The following CXCL13 variants were observed in gnomAD, a reference collection of about 807,000 sequenced individuals.
CXCL13 encodes the protein C-X-C motif chemokine 13.
In CXCL13, 7 loss-of-function variants were observed where a neutral mutation model predicts 12.2. The ratio of observed to expected loss-of-function variants is 0.57; its 90% CI spans 0.33 to 1.07. The LOEUF (loss-of-function observed/expected upper bound fraction) is 1.07. CXCL13 is among the 50% of genes least tolerant of loss of function. The pLI, the probability that CXCL13 is intolerant of heterozygous loss-of-function variation, is 0.04. For synonymous variants in CXCL13, 47 were observed against 42.4 expected (o/e 1.11, Z -0.42); for missense variants, 113 against 127.4 (o/e 0.89, Z 0.55).
chr4:77,551,293 G>T (rs1014397752), intron 1 of CXCL13, among the ~76,000 whole-genome samples: 3 of 152,122 alleles, frequency 2.0e-5, no homozygotes, highest in Non-Finnish European at 4.4e-5. Context: ...TTCCTTTGAG[G>T]CTCTCTTGAA....
intron 1 of CXCL13, among the ~76,000 whole-genome samples, chr4:77,562,421 G>A (rs987573872): frequency 6.6e-6 from 1 of 152,006 alleles, no homozygotes; most frequent in Non-Finnish European, 1.5e-5. Context: ...TAGTGGGGAC[G>A]TGGAGAACCT....
rs528531054 is a variant in CXCL13, at chr4:77,530,762, G to A, written c.-43+18974G>A. On this transcript the variant is annotated intron_variant, in intron 1 of 4. Coordinates refer to the CXCL13 transcript ENST00000286758. ...ATTGATTTTTTGAAGGGTTTTTTGT[G>A]TCTCTATTTCCTTCAGTTCTGCTCT... Among the ~76,000 whole-genome samples, 427 of 152,130 alleles carry A rather than the reference G, an allele frequency of 2.8e-3. 4 individuals carry two copies. The highest frequency in any genetic ancestry group is 0.01 in the African/African-American group (416 of 41,486).
At chr4:77,534,292 A>G (rs535227074) in intron 1 of CXCL13, among the ~76,000 whole-genome samples, 1 of 152,224 alleles carries the variant, frequency 6.6e-6, no homozygotes, top group Non-Finnish European at 1.5e-5. Flanking sequence ...AAACCTGCAC[A>G]TGGATGTTTC....
At chr4:77,579,816 G>A (rs947900441) in intron 1 of CXCL13, among the ~76,000 whole-genome samples, 8 of 152,160 alleles carry the variant, frequency 5.3e-5, no homozygotes, top group Non-Finnish European at 1.0e-4. Context: ...ATGTGTTAGC[G>A]CTAAGCACTC....
chr4:77,583,588 G>T (rs1369993692), intron 1 of CXCL13, among the ~76,000 whole-genome samples: 6 of 152,140 alleles, frequency 3.9e-5, no homozygotes, highest in African/African-American at 1.4e-4. Context: ...TGCCTTTTGT[G>T]CACCTCAGGG....
chr4:77,549,546 G>A (rs556970534), intron 1 of CXCL13, among the ~76,000 whole-genome samples: 1 of 152,316 alleles, frequency 6.6e-6, no homozygotes, highest in African/African-American at 2.4e-5. Context: ...TGTTGATGTT[G>A]GTGCTATTCC....
intron 1 of CXCL13, among the ~76,000 whole-genome samples, chr4:77,525,731 C>T (rs1409533602): frequency 6.6e-6 from 1 of 151,968 alleles, no homozygotes; most frequent in African/African-American, 2.4e-5. Context: ...GCAAACATGA[C>T]ATAAGGATTA....
rs1286923037 is a variant in CXCL13 at position 77,585,586 on chromosome 4, C to CTCCTT, written c.-42-20228_-42-20224dup. On this transcript the variant is annotated intron_variant, in intron 1 of 4. Transcript: ENST00000286758. The stretch of plus-strand genomic sequence containing the variant: ...CTCTGTGCTTGCTTCAGAGCTGCCA[C>CTCCTT]TCCTTTCCTTTCCTACACCAGTCTC... 9.2e-5 allele frequency among the ~76,000 whole-genome samples: 14 copies of CTCCTT among 152,322 alleles called. No homozygotes were observed. In the East Asian group the frequency reaches 2.7e-3, roughly 29 times the overall value.
intron 1 of CXCL13, among the ~76,000 whole-genome samples, chr4:77,522,514 C>CTTTTGTTTTTTTTT (rs1724635243): frequency 9.9e-5 from 1 of 10,070 alleles, no homozygotes. Flanking sequence ...GCAACCCCTG[C>CTTTTGTTTTTTTTT]TTTTTTTTTT....
At chr4:77,551,936 G>C (rs576540035) in intron 1 of CXCL13, among the ~76,000 whole-genome samples, 1 of 152,192 alleles carries the variant, frequency 6.6e-6, no homozygotes, top group Non-Finnish European at 1.5e-5. Flanking sequence ...AATTCCAGAA[G>C]CTCTGGTTGA....
At chr4:77,601,716 G>C (rs1237162537), upstream of CXCL13, among the ~76,000 whole-genome samples, 1 of 152,158 alleles carries the variant, frequency 6.6e-6, no homozygotes, top group African/African-American at 2.4e-5. Flanking sequence ...AGGTTAAAAA[G>C]AAACAGCTAA....
In CXCL13 at chr4:77,563,690, C is replaced by G. The variant is rs1440390693; in HGVS notation, c.-42-42134C>G. Among the ~76,000 whole-genome samples the G allele has an allele frequency of 4.6e-5, 7 of 152,290 alleles. No homozygotes were observed. The East Asian group carries it at 1.3e-3, about 29-fold the overall frequency. On this transcript the variant is annotated intron_variant, in intron 1 of 4. Transcript: ENST00000286758. Reference sequence around the variant, plus strand: ...CTGCTGACAGATGAAAGATGAGATTCTATGACGTTTATTAAAATGAAGAAT... The same window carrying G: ...CTGCTGACAGATGAAAGATGAGATTGTATGACGTTTATTAAAATGAAGAAT...
intron 1 of CXCL13, among the ~76,000 whole-genome samples, chr4:77,534,587 T>G (rs1725014512): frequency 6.6e-6 from 1 of 152,234 alleles, no homozygotes; most frequent in Non-Finnish European, 1.5e-5. Context: ...GTCAGATCTC[T>G]TTCTGGGTAT....
chr4:77,601,022 A>G (rs555215126), upstream of CXCL13, among the ~76,000 whole-genome samples: 3 of 152,306 alleles, frequency 2.0e-5, no homozygotes, highest in East Asian at 3.9e-4. Context: ...ACCTGAGGAC[A>G]GACCTTTTCC....
intron 1 of CXCL13, among the ~76,000 whole-genome samples, chr4:77,535,348 G>A (rs17406477): frequency 0.079 from 12,019 of 151,974 alleles, 635 homozygotes; most frequent in South Asian, 0.13. Flanking sequence ...CCTTATAGGC[G>A]TACCCTTTCC....
At chr4:77,570,957 G>T (rs946270481) in intron 1 of CXCL13, among the ~76,000 whole-genome samples, 2 of 152,024 alleles carry the variant, frequency 1.3e-5, no homozygotes, top group Non-Finnish European at 2.9e-5. Context: ...TGCCTCCGTG[G>T]GTTCCTGTGC....
At chr4:77,559,845 C>T (rs1467354237) in intron 1 of CXCL13, among the ~76,000 whole-genome samples, 1 of 147,284 alleles carries the variant, frequency 6.8e-6, no homozygotes, top group Non-Finnish European at 1.5e-5. Flanking sequence ...TGGCGTGAAC[C>T]TGGGACACGG....
At chr4:77,549,646 G>T (rs369171707) in intron 1 of CXCL13, among the ~76,000 whole-genome samples, 5 of 152,290 alleles carry the variant, frequency 3.3e-5, no homozygotes, top group Admixed American at 1.3e-4. Context: ...GCCCCTGTTT[G>T]CCTGGGTATC....
chr4:77,584,402 A>C (rs1255320980), intron 1 of CXCL13, among the ~76,000 whole-genome samples: 1 of 152,236 alleles, frequency 6.6e-6, no homozygotes, highest in African/African-American at 2.4e-5. Flanking sequence ...AGGGAAGAAG[A>C]TCATTCAGGT....
Sources: gnomAD v4.1 joint callset for allele counts (sites outside exome capture counted in the v4.1 genomes callset) on GRCh38, gnomAD v4.1.1 for gene constraint, MANE v1.5 for transcripts, NCBI Gene and HGNC (gene_info 2026-07-23, HGNC 2026-07-21) for gene names.